The following UST variants were observed in gnomAD, a reference collection of about 807,000 sequenced individuals.
The protein encoded by UST is uronyl 2-sulfotransferase.
A neutral mutation model predicts 45.6 loss-of-function variants in UST; 21 were observed. That is an observed-to-expected ratio of 0.46 (90% confidence interval 0.33 to 0.66). The LOEUF is 0.66. Ranked by LOEUF, UST falls within the 30% of genes least tolerant of loss-of-function variation. The pLI is 0.02. For synonymous variants in UST, 215 were observed against 200.6 expected, an observed-to-expected ratio of 1.07 and a Z score of -0.61; for missense variants, 463 against 512.4, an observed-to-expected ratio of 0.90 and a Z score of 0.93.
chr6:148,914,070 G>C (rs1458607241), intron 2 of UST, among the ~76,000 whole-genome samples: 5 of 152,118 alleles, frequency 3.3e-5, no homozygotes, highest in African/African-American at 9.7e-5. Context: ...GATACAACTT[G>C]CTCTTGGACT....
At chr6:148,945,940 C>T (rs1322259658) in intron 3 of UST, among the ~76,000 whole-genome samples, 1 of 152,154 alleles carries the variant, frequency 6.6e-6, no homozygotes, top group Non-Finnish European at 1.5e-5. Flanking sequence ...TTATTAAAAC[C>T]TTGAAGAGTT....
intron 4 of UST, among the ~76,000 whole-genome samples, chr6:148,961,057 A>T (rs1472078967): frequency 6.6e-6 from 1 of 152,172 alleles, no homozygotes; most frequent in Non-Finnish European, 1.5e-5. Context: ...TCAGAGTGAG[A>T]AACATGCAGT....
intron 7 of UST, among the ~76,000 whole-genome samples, chr6:149,030,767 A>G (rs77047618): frequency 0.036 from 5,530 of 152,096 alleles, 217 homozygotes; most frequent in South Asian, 0.085. Context: ...ATCTTAAGCC[A>G]GTGTGTTATC....
intron 1 of UST, among the ~76,000 whole-genome samples, chr6:148,832,219 G>A (rs1777702043): frequency 6.6e-6 from 1 of 152,150 alleles, no homozygotes; most frequent in African/African-American, 2.4e-5. Context: ...TTGAATTCCT[G>A]ACCTCAGGTG....
In UST at chr6:148,748,086, C is replaced by T. The variant is rs960240399; in HGVS notation, c.247+409C>T. ...TCCTCTTCGTTGCATTGTTAGTGACCGCAGTTCAGTCCCGTCCCGCGCCCC... is the reference window on the plus strand; with the variant it reads ...TCCTCTTCGTTGCATTGTTAGTGACTGCAGTTCAGTCCCGTCCCGCGCCCC... On this transcript the variant is annotated intron_variant, in intron 1 of 7. Coordinates refer to ENST00000367463, the MANE Select transcript of UST (RefSeq NM_005715.3). This position sits in a 1 kb window ranked among gnomAD's most constrained non-coding sequence, Gnocchi z 5.3. Among the ~76,000 whole-genome samples the T allele has an allele frequency of 6.6e-6, 1 of 152,116 alleles. No homozygotes were observed. Among genetic ancestry groups the T allele is most frequent in the Non-Finnish European group, 1.5e-5 (1 of 68,012 alleles).
Position 148,931,410 on chromosome 6 carries a change from A to G in UST, c.292-9869A>G, listed in dbSNP as rs10872624. ...GTGATTAAACAAAAATGTATTACAG[A>G]TCTGAATGGAGAGTCAAATTAAGTG... On this transcript the variant is annotated intron_variant, in intron 2 of 7. Coordinates refer to ENST00000367463, the MANE Select transcript of UST (RefSeq NM_005715.3). Among the ~76,000 whole-genome samples, 693 of 152,366 alleles carry G rather than the reference A, an allele frequency of 4.5e-3. 5 individuals carry two copies. Among genetic ancestry groups the G allele is most frequent in the Admixed American group, 9.7e-3 (149 of 15,308 alleles).
At chr6:148,892,301 C>G (rs984880421) in intron 2 of UST, among the ~76,000 whole-genome samples, 2 of 152,158 alleles carry the variant, frequency 1.3e-5, no homozygotes, top group African/African-American at 4.8e-5. Flanking sequence ...CTCTTTCTGT[C>G]AGTTATCTTC....
intron 2 of UST, among the ~76,000 whole-genome samples, chr6:148,909,889 G>A (rs1779440919): frequency 6.6e-6 from 1 of 152,192 alleles, no homozygotes; most frequent in South Asian, 2.1e-4. Flanking sequence ...TCACAGGATA[G>A]TGTATAATAT....
intron 1 of UST, among the ~76,000 whole-genome samples, chr6:148,750,105 G>A (rs1775961045): frequency 6.6e-6 from 1 of 152,078 alleles, no homozygotes; most frequent in Non-Finnish European, 1.5e-5. Flanking sequence ...AATTTCCTCA[G>A]CCAATTTTGG....
At chr6:148,770,181 C>T (rs535469649) in intron 1 of UST, among the ~76,000 whole-genome samples, 3 of 151,810 alleles carry the variant, frequency 2.0e-5, no homozygotes, top group Non-Finnish European at 2.9e-5. Context: ...TCATCATCTT[C>T]GTGCAGACAT....
rs147596716 is a variant in UST, at chr6:148,750,387, C to A, written c.247+2710C>A. ...ATTCATAGTAAAAGCTAGTATTTAT[C>A]ACGCATGTGCCAGTCAGTGCATACA... On this transcript the variant is annotated intron_variant, in intron 1 of 7. Coordinates refer to ENST00000367463, the MANE Select transcript of UST (RefSeq NM_005715.3). Among the ~76,000 whole-genome samples, 25 of 152,334 alleles carry A rather than the reference C, an allele frequency of 1.6e-4. No homozygotes were observed. The East Asian group carries it at 4.8e-3, about 29-fold the overall frequency.
At chr6:149,010,165 C>G (rs1461083613) in intron 5 of UST, among the ~76,000 whole-genome samples, 1 of 152,130 alleles carries the variant, frequency 6.6e-6, no homozygotes, top group Non-Finnish European at 1.5e-5. Flanking sequence ...TACAAGTTCC[C>G]TAATCTCTAT....
intron 1 of UST, among the ~76,000 whole-genome samples, chr6:148,766,932 G>T (rs1016559304): frequency 2.6e-5 from 4 of 152,182 alleles, no homozygotes; most frequent in African/African-American, 7.2e-5. Flanking sequence ...ATTTGTCTAT[G>T]ACTTATAACA....
chr6:148,836,570 C>T (rs1452191353), intron 1 of UST, among the ~76,000 whole-genome samples: 3 of 152,176 alleles, frequency 2.0e-5, no homozygotes, highest in African/African-American at 7.2e-5. Flanking sequence ...ATTCTTGGTA[C>T]AGGGATTGGA....
At chr6:148,902,397 T>C (rs1248089174) in intron 2 of UST, among the ~76,000 whole-genome samples, 1 of 151,850 alleles carries the variant, frequency 6.6e-6, no homozygotes, top group Non-Finnish European at 1.5e-5. Flanking sequence ...TGGCTAATTT[T>C]TTTTTTTTTT....
chr6:148,797,955 G>A (rs1283139328), intron 1 of UST, among the ~76,000 whole-genome samples: 1 of 152,190 alleles, frequency 6.6e-6, no homozygotes, highest in Non-Finnish European at 1.5e-5. Context: ...CCATTAAGGG[G>A]TTGGGAGTTT....
intron 7 of UST, among the ~76,000 whole-genome samples, chr6:149,062,697 G>T (rs1003427393): frequency 5.3e-5 from 8 of 152,198 alleles, no homozygotes; most frequent in Admixed American, 5.2e-4. Context: ...ACAGCCTGTG[G>T]TGTAGCAAAA....
chr6:148,861,334 G>A (rs969342648), intron 1 of UST, among the ~76,000 whole-genome samples: 8 of 151,754 alleles, frequency 5.3e-5, no homozygotes, highest in East Asian at 3.9e-4. Flanking sequence ...CTGTGGGATC[G>A]GTGATGATAT....
chr6:149,005,113 A>C (rs1781623189), intron 5 of UST, among the ~76,000 whole-genome samples: 1 of 152,104 alleles, frequency 6.6e-6, no homozygotes, highest in South Asian at 2.1e-4. Context: ...TCAGATCTAG[A>C]ACCTTTGTAT....
Sources: allele counts gnomAD v4.1 joint callset (sites outside exome capture counted in the v4.1 genomes callset), GRCh38; gene constraint gnomAD v4.1.1; non-coding constraint Gnocchi (gnomAD v3.1); transcripts MANE v1.5; gene names NCBI Gene and HGNC (gene_info 2026-07-23, HGNC 2026-07-21).